Variants in CEP170B observed in about 807,000 individuals in gnomAD.
CEP170B encodes centrosomal protein of 170 kDa protein B.
In CEP170B, 55 loss-of-function variants were observed where a neutral mutation model predicts 120.6. That is an observed-to-expected ratio of 0.46 (90% confidence interval 0.37 to 0.57). CEP170B has a LOEUF of 0.57. CEP170B is among the 20% of genes least tolerant of loss of function. The pLI is 0.00. For synonymous variants in CEP170B, 1,033 were observed against 954.5 expected, an observed-to-expected ratio of 1.08 and a Z score of -1.52; for missense variants, 2,212 against 2,253.3, an observed-to-expected ratio of 0.98 and a Z score of 0.37.
chr14:104,885,522 G>GC lies in CEP170B; in HGVS notation c.1930dup (p.Gln644ProfsTer27). 1.9e-6 allele frequency: 3 copies of GC among 1,564,350 alleles called. No individual in the cohort carries two copies. Among genetic ancestry groups the GC allele is most frequent in the South Asian group, 1.2e-5 (1 of 85,396 alleles). ...GTTTGCCTCCCGGCCACTGGGTGCG[G>GC]CCCCCCAGGCGGAGCACCAGGTACA... On this transcript the variant is annotated frameshift_variant, in exon 10 of 19. Transcript: ENST00000414716. LOFTEE classifies it high-confidence loss of function.
chr14:104,893,033 G>T lies in CEP170B; in HGVS notation c.3936G>T (p.Val1312=). The T allele has an allele frequency of 1.3e-6, 2 of 1,590,428 alleles. No individual in the cohort carries two copies. Among genetic ancestry groups the T allele is most frequent in the African/African-American group, 1.3e-5 (1 of 74,458 alleles). The stretch of plus-strand genomic sequence containing the variant: ...TCCTAGCCCAGGAGATCCACGATGT[G>T]GCTGGGGACGGTGACACACTGGGCT... The part of the protein sequence containing the change: ...VAILAQEIHD[V]AGDGDTLGSS... Residue 1312 remains valine, a synonymous_variant, in exon 14 of 19, where the codon GTG becomes GTT. Transcript: ENST00000414716.
At chr14:104,878,297 G>A (rs1226954474) in intron 4 of CEP170B, 146 bp from the exon 5 acceptor site, 6 of 781,238 alleles carry the variant, frequency 7.7e-6, no homozygotes, top group African/African-American at 5.1e-5. Context: ...ACATGGGTGG[G>A]CATGGCTGTG....
chr14:104,874,729 T>C (rs1199971839), intron 2 of CEP170B, among the ~76,000 whole-genome samples: 1 of 93,754 alleles, frequency 1.1e-5, no homozygotes, highest in Admixed American at 1.2e-4. Context: ...GGTCCTCCAC[T>C]GCAGTACCCC....
Position 104,887,216 on chromosome 14 carries a change from C to G in CEP170B, c.2977C>G (p.Gln993Glu). 1.2e-6 allele frequency: 2 copies of G among 1,605,932 alleles called. No individual in the cohort carries two copies. Among genetic ancestry groups the G allele is most frequent in the South Asian group, 1.1e-5 (1 of 91,038 alleles). ...GATGTCGCCATCCCCGCCAGCTGCA[C>G]AGGACCCGGGAGGCACCGCCCTGGT... ...KEMSPSPPAA[Q>E]DPGGTALVSA... The change falls in exon 12 of 19, where the codon CAG becomes GAG. Residue 993 changes from glutamine (Q) to glutamate (E), a missense_variant. By Grantham distance (29) the Gln-to-Glu change is conservative. Coordinates refer to ENST00000414716, the MANE Select transcript of CEP170B (RefSeq NM_001112726.3).
At chr14:104,881,261 G>C (rs1896140298) in intron 6 of CEP170B, among the ~76,000 whole-genome samples, 1 of 151,990 alleles carries the variant, frequency 6.6e-6, no homozygotes, top group Non-Finnish European at 1.5e-5. Context: ...GCGAGAGTGA[G>C]AAAGTGCCTG....
In CEP170B at chr14:104,867,035, C is replaced by G. The variant is rs935378925; in HGVS notation, c.-27-1389C>G. 5.3e-5 allele frequency among the ~76,000 whole-genome samples: 8 copies of G among 152,214 alleles called. No individual in the cohort carries two copies. The highest frequency in any genetic ancestry group is 1.5e-5 in the Non-Finnish European group (1 of 68,030). On this transcript the variant is annotated intron_variant, in intron 1 of 18. Coordinates refer to ENST00000414716, the MANE Select transcript of CEP170B (RefSeq NM_001112726.3). The surrounding 1 kb of genome is among the most constrained non-coding windows in gnomAD (Gnocchi z 5.4). ...ATGTGACTTGGAGACCCCCACAGAG[C>G]CCTTGCTTGGACCCCGCATGTGGCA...
chr14:104,879,814 G>T (rs947543018), intron 5 of CEP170B, among the ~76,000 whole-genome samples: 7 of 152,184 alleles, frequency 4.6e-5, no homozygotes, highest in African/African-American at 1.7e-4. Context: ...GCCCTCACTT[G>T]TTCATGTGGG....
In CEP170B at chr14:104,865,304, C is replaced by T. The variant is rs1170403670; in HGVS notation, c.-237C>T. On this transcript the variant is annotated 5_prime_UTR_variant, in exon 1 of 19. Transcript: ENST00000414716. This position sits in a 1 kb window ranked among gnomAD's most constrained non-coding sequence, Gnocchi z 6.7. ...ACCCGCGCGCGAGGCCGCCGGCGGC[C>T]GCTCTGCCGTGGGCTCGGCCCGGGC... is the stretch of plus-strand genomic sequence containing the variant. The T allele has an allele frequency of 6.8e-6, 1 of 146,320 alleles. No homozygotes were observed. Among genetic ancestry groups the T allele is most frequent in the Non-Finnish European group, 1.5e-5 (1 of 65,754 alleles). 9.1% of individuals were successfully genotyped at this position (146,320 alleles called of 1,614,324 possible).
intron 3 of CEP170B, 99 bp downstream of exon 3, chr14:104,876,444 C>T: frequency 9.2e-7 from 1 of 1,082,154 alleles, no homozygotes; most frequent in East Asian, 2.6e-5. Context: ...CATAGCCCCT[C>T]CCTCTCAGCC....
rs1566855425 is a variant in CEP170B, at chr14:104,876,309, C to T, written c.159C>T (p.Asp53=). The T allele has an allele frequency of 1.1e-5, 17 of 1,550,882 alleles. No homozygotes were observed. Among genetic ancestry groups the T allele is most frequent in the African/African-American group, 1.4e-5 (1 of 73,122 alleles). Residue 53 remains aspartate, a synonymous_variant, in exon 3 of 19, where the codon GAC becomes GAT. Coordinates refer to ENST00000414716, the MANE Select transcript of CEP170B (RefSeq NM_001112726.3). ...HAVINYDQDR[D]EHWVKDLGSL... Reference sequence around the variant, plus strand: ...TCATCAACTACGACCAGGACAGGGACGAGCACTGGGTGAAGGACCTGGGCA... The same window carrying T: ...TCATCAACTACGACCAGGACAGGGATGAGCACTGGGTGAAGGACCTGGGCA...
In CEP170B at chr14:104,886,934, C is replaced by T. The variant is rs778314586; in HGVS notation, c.2695C>T (p.Arg899Trp). Residue 899 changes from arginine (R) to tryptophan (W), a missense_variant, in exon 12 of 19, where the codon CGG (arginine) becomes TGG (tryptophan). Arg to Trp is a moderately radical substitution (Grantham distance 101, BLOSUM62 -3). Around this residue, in one of 2 missense-constraint regions of CEP170B, gnomAD observed 2,166 missense variants for 2,166.7 expected, o/e 1.00. Transcript: ENST00000414716. ...GCTTCTACAGGACCTGGCCGCTACC[C>T]GGGCCGCACGCATGGACTTCCACTC... ...HPLLQDLAATRAARMDFHSQD... is the reference protein window; with the variant it reads ...HPLLQDLAATWAARMDFHSQD... 10 of 1,608,952 alleles carry T rather than the reference C, an allele frequency of 6.2e-6. No homozygotes were observed. Among genetic ancestry groups the T allele is most frequent in the African/African-American group, 2.7e-5 (2 of 74,946 alleles).
At chr14:104,866,353 T>TGG (rs1895206417) in intron 1 of CEP170B, among the ~76,000 whole-genome samples, 1 of 152,132 alleles carries the variant, frequency 6.6e-6, no homozygotes, top group South Asian at 2.1e-4. Context: ...GAGGGCTGGC[T>TGG]GGGGGCCGGA....
At chr14:104,879,136 G>A (rs549568305) in intron 5 of CEP170B, among the ~76,000 whole-genome samples, 1 of 152,308 alleles carries the variant, frequency 6.6e-6, no homozygotes, top group South Asian at 2.1e-4. Flanking sequence ...CAGTTATTTG[G>A]AGTCTTCGAA....
chr14:104,887,852 G>A lies in CEP170B; in HGVS notation c.3613G>A (p.Ala1205Thr). The A allele has an allele frequency of 6.3e-7, 1 of 1,576,368 alleles. No homozygotes were observed. The highest frequency in any genetic ancestry group is 8.6e-7 in the Non-Finnish European group (1 of 1,165,716). The change falls in exon 12 of 19, where the codon GCC becomes ACC. Residue 1205 changes from alanine (A) to threonine (T), a missense_variant. By Grantham distance (58) the Ala-to-Thr change is moderately conservative (BLOSUM62 0). Around this residue, in one of 2 missense-constraint regions of CEP170B, gnomAD observed 2,166 missense variants for 2,166.7 expected, o/e 1.00. Coordinates refer to ENST00000414716, the MANE Select transcript of CEP170B (RefSeq NM_001112726.3). The part of the protein sequence containing the change: ...FSGRSVELCC[A>T]SRKPTMAEAR... ...TGGCCGCAGTGTGGAGTTGTGCTGT[G>A]CCAGCCGCAAGCCCACCATGGCCGA...
Position 104,885,459 on chromosome 14 carries a change from G to A in CEP170B, c.1861G>A (p.Asp621Asn), listed in dbSNP as rs1896424300. 2 of 1,563,352 alleles carry A rather than the reference G, an allele frequency of 1.3e-6. No individual in the cohort carries two copies. Among genetic ancestry groups the A allele is most frequent in the Admixed American group, 3.8e-5 (2 of 52,106 alleles). The change falls in exon 10 of 19, where the codon GAC becomes AAC. Residue 621 changes from aspartate to asparagine, a missense_variant. This residue lies in a region of CEP170B where 2,166 missense variants were observed against 2,166.7 expected (regional missense o/e 1.00). Transcript: ENST00000414716. ...VIRGDRDESDDGGVAQRMALL... is the reference protein window; with the variant it reads ...VIRGDRDESDNGGVAQRMALL... ...CAGAGGGGACAGAGATGAGTCTGAT[G>A]ACGGGGGCGTGGCCCAGCGGATGGC...
rs372568174 is a variant in CEP170B at position 104,884,147 on chromosome 14, C to T, written c.1368C>T (p.Gly456=). Residue 456 remains glycine (G), a synonymous_variant, in exon 9 of 19, where the codon GGC becomes GGT. Coordinates refer to ENST00000414716, the MANE Select transcript of CEP170B (RefSeq NM_001112726.3). The part of the protein sequence containing the change: ...PSVPAPVQAG[G]RSSGPQRAGS... ...TCCCAGCCCCAGTCCAGGCAGGGGG[C>T]CGCAGCTCGGGGCCACAGAGGGCCG... is the stretch of plus-strand genomic sequence containing the variant. 1.1e-4 allele frequency: 164 copies of T among 1,556,114 alleles called. No homozygotes were observed. Among genetic ancestry groups the T allele is most frequent in the Non-Finnish European group, 1.4e-4 (156 of 1,151,656 alleles).
intron 1 of CEP170B, among the ~76,000 whole-genome samples, chr14:104,866,254 T>G (rs975258627): frequency 1.3e-5 from 2 of 152,170 alleles, no homozygotes; most frequent in Non-Finnish European, 2.9e-5. Flanking sequence ...ACCACCAGGC[T>G]CTGGGGCTCG....
intron 13 of CEP170B, 63 bp downstream of exon 13, chr14:104,889,821 C>T: frequency 6.5e-7 from 1 of 1,538,568 alleles, no homozygotes. Flanking sequence ...TGAGAGCACC[C>T]TGAGGGCAGG....
At chr14:104,882,599 C>A in intron 6 of CEP170B, 129 bp from the exon 7 acceptor site, 1 of 676,738 alleles carries the variant, frequency 1.5e-6, no homozygotes, top group Non-Finnish European at 2.4e-6. Context: ...CCTGGGCTGC[C>A]ACAGGGCCAA....
Sources: gnomAD v4.1 joint callset for allele counts (sites outside exome capture counted in the v4.1 genomes callset) on GRCh38, gnomAD v4.1.1 for gene constraint, gnomAD v4.1.1 regional missense constraint, Gnocchi (gnomAD v3.1) non-coding constraint, MANE v1.5 for transcripts, NCBI Gene and HGNC (gene_info 2026-07-23, HGNC 2026-07-21) for gene names.